NEUROD1: variants seen among roughly 807,000 people sequenced by gnomAD.
The protein encoded by NEUROD1 is neurogenic differentiation factor 1.
A neutral mutation model predicts 21.8 loss-of-function variants in NEUROD1; 9 were observed. The observed-to-expected ratio is 0.41, with a 90% CI of 0.25 to 0.72. The LOEUF (loss-of-function observed/expected upper bound fraction) is 0.72, where lower values mean the gene tolerates loss of function less well. Among genes scored for constraint, NEUROD1 ranks in the 30% least tolerant of loss-of-function variants. The pLI is 0.31. For synonymous variants in NEUROD1, 199 were observed against 186.2 expected (o/e 1.07, Z -0.56); for missense variants, 434 against 468.8 (o/e 0.93, Z 0.69).
chr2:181,678,761 G>A lies in NEUROD1; in HGVS notation c.100C>T (p.His34Tyr). 1.9e-6 allele frequency: 3 copies of A among 1,613,004 alleles called. No homozygotes were observed. The highest frequency in any genetic ancestry group is 2.5e-6 in the Non-Finnish European group (3 of 1,179,320). The change falls in exon 2 of 2, where the codon CAC (histidine) becomes TAC (tyrosine). Residue 34 changes from histidine (H) to tyrosine (Y), a missense_variant. Transcript: ENST00000295108. This position sits in a 1 kb window ranked among gnomAD's most constrained non-coding sequence, Gnocchi z 5.5. ...TCGTCCTCCTTCTTGTCTGCCTCGT[G>A]CTCCTCGTCCTGAGAACTGAGACAC... ...DECLSSQDEE[H>Y]EADKKEDDLE... is the part of the protein sequence containing the mutation.
chr2:181,673,800 A>G (rs989497325), downstream of NEUROD1, among the ~76,000 whole-genome samples: 1 of 152,202 alleles, frequency 6.6e-6, no homozygotes, highest in African/African-American at 2.4e-5. Flanking sequence ...AATGATCCAT[A>G]TATCATTTTA....
downstream of NEUROD1, chr2:181,676,466 C>T (rs1344229790): frequency 6.6e-6 from 1 of 152,636 alleles, no homozygotes; most frequent in Non-Finnish European, 1.5e-5. Flanking sequence ...AACAATTGCT[C>T]TCACTTTCAA....
chr2:181,678,744 C>T lies in NEUROD1; in HGVS notation c.117G>A (p.Lys39=), dbSNP rs777157598. 3.7e-6 allele frequency: 6 copies of T among 1,612,900 alleles called. No homozygotes were observed. Among genetic ancestry groups the T allele is most frequent in the South Asian group, 1.1e-5 (1 of 91,000 alleles). ...CGTTCATGGTTTCGAGGTCGTCCTC[C>T]TTCTTGTCTGCCTCGTGCTCCTCGT... is the stretch of plus-strand genomic sequence containing the variant. ...SQDEEHEADK[K]EDDLETMNAE... The change falls in exon 2 of 2, where the codon AAG becomes AAA. Residue 39 remains lysine, a synonymous_variant. Transcript: ENST00000295108. This position sits in a 1 kb window ranked among gnomAD's most constrained non-coding sequence, Gnocchi z 5.5.
chr2:181,676,837 T>C lies in NEUROD1; in HGVS notation c.*953A>G, dbSNP rs1437737539. On this transcript the variant is annotated 3_prime_UTR_variant, in exon 2 of 2. Coordinates refer to ENST00000295108, the MANE Select transcript of NEUROD1 (RefSeq NM_002500.5). ...TCTGGAAACATCAATAGCTTCAGAT[T>C]CTCTGTAAAATCATGGAATGCAAAG... 1 of 152,590 alleles carries C rather than the reference T, an allele frequency of 6.6e-6. No individual in the cohort carries two copies. The highest frequency in any genetic ancestry group is 1.5e-5 in the Non-Finnish European group (1 of 68,008). The allele number at this position is 152,590 out of a possible 1,614,324, so 9.5% of individuals were successfully genotyped here.
At chr2:181,670,696 C>T (rs1688485021) in exon 2 of NEUROD1, among the ~76,000 whole-genome samples, 2 of 151,970 alleles carry the variant, frequency 1.3e-5, no homozygotes, top group African/African-American at 4.8e-5. Flanking sequence ...TGTCTCTTTC[C>T]CAGCTTCTGA....
downstream of NEUROD1, chr2:181,673,464 C>G (rs183171971): frequency 3.3e-5 from 5 of 152,354 alleles, no homozygotes; most frequent in East Asian, 9.6e-4. Context: ...CGCCAGAACG[C>G]CTCTTTGCAA....
downstream of NEUROD1, among the ~76,000 whole-genome samples, chr2:181,669,660 T>G (rs1688468572): frequency 6.6e-6 from 1 of 152,310 alleles, no homozygotes; most frequent in Admixed American, 6.5e-5. Flanking sequence ...AAATAAAATT[T>G]TATTCCTTAC....
At chr2:181,671,437 AT>A (rs201954189) in exon 2 of NEUROD1, among the ~76,000 whole-genome samples, 17 of 149,206 alleles carry the variant, frequency 1.1e-4, no homozygotes, top group African/African-American at 1.5e-4. Context: ...ATCTCAAATC[AT>A]TTTTTTTTTG....
downstream of NEUROD1, among the ~76,000 whole-genome samples, chr2:181,671,739 T>G (rs1455469080): frequency 6.6e-6 from 1 of 152,112 alleles, no homozygotes; most frequent in Non-Finnish European, 1.5e-5. Context: ...ACCACCGAAT[T>G]TTCTTTTTAG....
At chr2:181,671,938 G>A (rs1367041850), downstream of NEUROD1, among the ~76,000 whole-genome samples, 4 of 152,074 alleles carry the variant, frequency 2.6e-5, no homozygotes, top group Admixed American at 6.6e-5. Flanking sequence ...ACCATTGAGC[G>A]CGAACACTAA....
chr2:181,668,732 G>A (rs115131439), downstream of NEUROD1, among the ~76,000 whole-genome samples: 722 of 152,176 alleles, frequency 4.7e-3, 3 homozygotes, highest in Non-Finnish European at 7.9e-3. Context: ...CTAAGTATTG[G>A]CCATTGAGAA....
intron 1 of NEUROD1, among the ~76,000 whole-genome samples, chr2:181,679,741 TTGAG>T (rs1241202785): frequency 6.6e-6 from 1 of 152,216 alleles, no homozygotes; most frequent in Admixed American, 6.5e-5. Context: ...CTTTAAAAGA[TTGAG>T]TAATTATAAT....
downstream of NEUROD1, among the ~76,000 whole-genome samples, chr2:181,676,209 G>GA (rs1303039583): frequency 1.3e-5 from 2 of 151,894 alleles, no homozygotes; most frequent in Non-Finnish European, 2.9e-5. Flanking sequence ...TTAAAACAAA[G>GA]AAAAAAACAC....
In NEUROD1 at chr2:181,678,611, G is replaced by A. The variant is rs747915934; in HGVS notation, c.250C>T (p.Arg84Cys). Residue 84 changes from arginine to cysteine, a missense_variant, in exon 2 of 2, where the codon CGC (arginine) becomes TGC (cysteine). Physicochemically the swap from Arg to Cys is radical, Grantham distance 180. Transcript: ENST00000295108. This position sits in a 1 kb window ranked among gnomAD's most constrained non-coding sequence, Gnocchi z 5.5. ...EEDDDQKPKR[R>C]GPKKKKMTKA... is the part of the protein sequence containing the mutation. ...GTCATCTTCTTCTTTTTGGGGCCGC[G>A]TCTCTTGGGCTTTTGATCGTCATCC... 4 of 1,614,100 alleles carry A rather than the reference G, an allele frequency of 2.5e-6. No individual in the cohort carries two copies. In the East Asian group the frequency reaches 8.9e-5, roughly 36 times the overall value.
Position 181,678,571 on chromosome 2 carries a change from T to C in NEUROD1, c.290A>G (p.Glu97Gly). The C allele has an allele frequency of 1.2e-6, 2 of 1,614,208 alleles. No individual in the cohort carries two copies. Among genetic ancestry groups the C allele is most frequent in the Non-Finnish European group, 1.7e-6 (2 of 1,180,038 alleles). Reference protein sequence around the residue: ...KKKKMTKARLERFKLRRMKAN... With the variant: ...KKKKMTKARLGRFKLRRMKAN... ...CTTCATGCGTCTCAATTTAAAACGC[T>C]CCAGGCGAGCCTTAGTCATCTTCTT... Residue 97 changes from glutamate to glycine, a missense_variant, in exon 2 of 2, where the codon GAG becomes GGG. Transcript: ENST00000295108. The surrounding 1 kb of genome is among the most constrained non-coding windows in gnomAD (Gnocchi z 5.5).
downstream of NEUROD1, among the ~76,000 whole-genome samples, chr2:181,675,483 G>C (rs1016511314): frequency 2.6e-5 from 4 of 152,138 alleles, no homozygotes; most frequent in African/African-American, 7.2e-5. Context: ...AGCTTGGGAA[G>C]GGGGGTAGTC....
chr2:181,679,619 C>A (rs1331018192), intron 1 of NEUROD1, among the ~76,000 whole-genome samples: 1 of 152,230 alleles, frequency 6.6e-6, no homozygotes, highest in African/African-American at 2.4e-5. Flanking sequence ...CGGCGCAGAG[C>A]GCTCTCCCAC....
Position 181,671,025 on chromosome 2 carries a change from G to GCACACACACACA in NEUROD1, n.2909_2920dup, listed in dbSNP as rs71004600. ...ACTCAACCAAGTATAGCATATGTGT[G>GCACACACACACA]CACACACACACACACACACACACAC... On this transcript the variant is annotated non_coding_transcript_exon_variant, in exon 2 of 2. Coordinates refer to the NEUROD1 transcript ENST00000496876. Among the ~76,000 whole-genome samples the GCACACACACACA allele has an allele frequency of 7.6e-4, 111 of 146,704 alleles. 4 individuals carry two copies. In the East Asian group the frequency reaches 0.02, roughly 26 times the overall value.
chr2:181,670,851 G>A (rs1287085745), exon 2 of NEUROD1, among the ~76,000 whole-genome samples: 1 of 152,062 alleles, frequency 6.6e-6, no homozygotes, highest in African/African-American at 2.4e-5. Context: ...ATTGGATTTA[G>A]GGCCCACCGT....
Sources: gnomAD v4.1 joint callset for allele counts (sites outside exome capture counted in the v4.1 genomes callset) on GRCh38, gnomAD v4.1.1 for gene constraint, Gnocchi (gnomAD v3.1) non-coding constraint, MANE v1.5 for transcripts, NCBI Gene and HGNC (gene_info 2026-07-23, HGNC 2026-07-21) for gene names.